Variants in PDE3B observed in about 807,000 individuals in gnomAD.
PDE3B encodes cGMP-inhibited 3',5'-cyclic phosphodiesterase 3B.
A neutral mutation model predicts 116.8 loss-of-function variants in PDE3B; 66 were observed. The ratio of observed to expected loss-of-function variants is 0.56; its 90% CI spans 0.46 to 0.69. PDE3B has a LOEUF of 0.69. PDE3B is among the 30% of genes least tolerant of loss of function. The pLI is 0.00. For missense variants in PDE3B, 1,384 were observed against 1,368.1 expected (o/e 1.01, Z -0.18); for synonymous variants, 595 against 533.6 (o/e 1.12, Z -1.59).
intron 1 of PDE3B, among the ~76,000 whole-genome samples, chr11:14,755,391 T>C (rs921103025): frequency 2.0e-5 from 3 of 152,240 alleles, no homozygotes; most frequent in Non-Finnish European, 4.4e-5. Context: ...CTGGAAATGA[T>C]TATTTACAGT....
At position 14,644,852 on chromosome 11, in the gene PDE3B, G is replaced by C. The variant is rs1015327428; in HGVS notation, c.777G>C (p.Leu259=). The C allele has an allele frequency of 3.1e-6, 5 of 1,613,010 alleles. No individual in the cohort carries two copies. Among genetic ancestry groups the C allele is most frequent in the Non-Finnish European group, 4.2e-6 (5 of 1,179,408 alleles). ...TGGTGGGGGGCGCTGGCTGCCTGCT[G>C]GCCCTGGGGTTGGATCACTTCTTTC... The part of the protein sequence containing the change: ...SGLVGGAGCL[L]ALGLDHFFQI... Residue 259 remains leucine, a synonymous_variant, in exon 1 of 16, where the codon CTG becomes CTC. Transcript: ENST00000282096.
intron 1 of PDE3B, among the ~76,000 whole-genome samples, chr11:14,690,985 A>G (rs948895268): frequency 4.6e-5 from 7 of 152,124 alleles, no homozygotes; most frequent in African/African-American, 1.7e-4. Context: ...GGAAGGGAAA[A>G]CATGCAAATA....
chr11:14,884,565 A>G, the PDE3B span, among the ~76,000 whole-genome samples: 1 of 151,036 alleles, frequency 6.6e-6, no homozygotes, highest in African/African-American at 2.4e-5. Flanking sequence ...TAGCATTAGG[A>G]GATATACCTA....
intron 7 of PDE3B, among the ~76,000 whole-genome samples, chr11:14,821,369 T>C (rs1859510270): frequency 6.6e-6 from 1 of 152,198 alleles, no homozygotes; most frequent in African/African-American, 2.4e-5. Flanking sequence ...TCTGTCTTGA[T>C]AGAGGAGTGA....
At chr11:14,656,428 T>C (rs568149114) in intron 1 of PDE3B, among the ~76,000 whole-genome samples, 1 of 152,334 alleles carries the variant, frequency 6.6e-6, no homozygotes, top group Admixed American at 6.5e-5. Flanking sequence ...TCTTATAATG[T>C]TTCCATGTTA....
intron 1 of PDE3B, among the ~76,000 whole-genome samples, chr11:14,716,256 C>T (rs868216617): frequency 3.2e-4 from 49 of 152,340 alleles, no homozygotes; most frequent in Middle Eastern, 3.4e-3. Context: ...CCACACCTGG[C>T]TTGGAGGGTG....
At chr11:14,847,631 C>T (rs1268503077) in intron 12 of PDE3B, among the ~76,000 whole-genome samples, 12 of 152,028 alleles carry the variant, frequency 7.9e-5, no homozygotes, top group South Asian at 2.1e-4. Flanking sequence ...ATCAAATAGA[C>T]GCAATAAAAA....
At chr11:14,836,876 C>T (rs1413210883) in intron 11 of PDE3B, among the ~76,000 whole-genome samples, 1 of 152,224 alleles carries the variant, frequency 6.6e-6, no homozygotes, top group Non-Finnish European at 1.5e-5. Flanking sequence ...GTGGCTTGAT[C>T]TCGGCTCACC....
intron 1 of PDE3B, among the ~76,000 whole-genome samples, chr11:14,712,664 A>G (rs1255830878): frequency 6.6e-6 from 1 of 151,868 alleles, no homozygotes; most frequent in African/African-American, 2.4e-5. Context: ...TAATAGTGAC[A>G]GGGTTTAACT....
Position 14,673,790 on chromosome 11 carries a change from G to A in PDE3B, c.978+28737G>A, listed in dbSNP as rs2133784693. ...GGAGATGTGGCACTCCATACACCTG[G>A]GACATGGGTGCCTTGGGGTGATCTG... On this transcript the variant is annotated intron_variant, in intron 1 of 15. Coordinates refer to ENST00000282096, the MANE Select transcript of PDE3B (RefSeq NM_000922.4). 12 of 816,684 alleles carry A rather than the reference G, an allele frequency of 1.5e-5. No homozygotes were observed. In the South Asian group the frequency reaches 1.6e-4, roughly 11 times the overall value. 50.6% of individuals were successfully genotyped at this position (816,684 alleles called of 1,614,324 possible).
At chr11:14,722,516 G>A (rs760146534) in intron 1 of PDE3B, among the ~76,000 whole-genome samples, 19 of 152,192 alleles carry the variant, frequency 1.2e-4, no homozygotes, top group Non-Finnish European at 2.4e-4. Flanking sequence ...TGTAAGATTT[G>A]TTGAGTAGTA....
chr11:14,746,132 G>A (rs1856903834), intron 1 of PDE3B, among the ~76,000 whole-genome samples: 1 of 152,210 alleles, frequency 6.6e-6, no homozygotes, highest in Non-Finnish European at 1.5e-5. Flanking sequence ...CCGCACTCAT[G>A]CCTGTAATCC....
At chr11:14,760,474 A>G (rs566416267) in intron 1 of PDE3B, among the ~76,000 whole-genome samples, 73 of 152,326 alleles carry the variant, frequency 4.8e-4, no homozygotes, top group African/African-American at 1.6e-3. Flanking sequence ...TATATTAATA[A>G]TTGATGAATT....
intron 1 of PDE3B, among the ~76,000 whole-genome samples, chr11:14,748,334 T>C (rs1443601956): frequency 6.6e-6 from 1 of 152,248 alleles, no homozygotes; most frequent in African/African-American, 2.4e-5. Context: ...GCAGATGGCC[T>C]GAAGAAGCAG....
At position 14,681,341 on chromosome 11, in the gene PDE3B, G is replaced by A. The variant is rs527787484; in HGVS notation, c.978+36288G>A. ...ATGGTGGCTCCCACAATTCCCATGT[G>A]TCATTACTTCCAGTGGGAAGTAATT... On this transcript the variant is annotated intron_variant, in intron 1 of 15. Transcript: ENST00000282096. Among the ~76,000 whole-genome samples, 65 of 152,112 alleles carry A rather than the reference G, an allele frequency of 4.3e-4. 3 individuals are homozygous for A. Among genetic ancestry groups the A allele is most frequent in the Non-Finnish European group, 1.2e-4 (8 of 68,026 alleles).
intron 1 of PDE3B, among the ~76,000 whole-genome samples, chr11:14,697,012 G>T (rs550307794): frequency 1.3e-5 from 2 of 152,012 alleles, no homozygotes; most frequent in Admixed American, 6.6e-5. Flanking sequence ...ATATAGCTCA[G>T]TGCAACCTTG....
At chr11:14,880,397 A>G in the PDE3B span, 4 of 1,613,480 alleles carry the variant, frequency 2.5e-6, no homozygotes, top group South Asian at 4.4e-5. Context: ...GCATTTCTAA[A>G]CAGCTGTTGA....
rs116053327 is a variant in PDE3B, at chr11:14,686,232, C to T, written c.978+41179C>T. On this transcript the variant is annotated intron_variant, in intron 1 of 15. Transcript: ENST00000282096. ...CTGACAAAGACACAAGTCTTCCATTCGAATTCTACAAATCTCTTATACCTT... is the reference window on the plus strand; with the variant it reads ...CTGACAAAGACACAAGTCTTCCATTTGAATTCTACAAATCTCTTATACCTT... Among the ~76,000 whole-genome samples, 561 of 152,268 alleles carry T rather than the reference C, an allele frequency of 3.7e-3. 3 individuals are homozygous for T. Among genetic ancestry groups the T allele is most frequent in the African/African-American group, 0.012 (502 of 41,546 alleles).
intron 1 of PDE3B, among the ~76,000 whole-genome samples, chr11:14,759,481 G>A (rs1443955675): frequency 6.6e-6 from 1 of 151,058 alleles, no homozygotes; most frequent in Admixed American, 6.6e-5. Context: ...TTCAGTAGTA[G>A]TTCAGTTCTA....
Sources: gnomAD v4.1 joint callset for allele counts (sites outside exome capture counted in the v4.1 genomes callset) on GRCh38, gnomAD v4.1.1 for gene constraint, MANE v1.5 for transcripts, NCBI Gene and HGNC (gene_info 2026-07-23, HGNC 2026-07-21) for gene names.